The following CENATAC variants were observed in gnomAD, a reference collection of about 807,000 sequenced individuals.
CENATAC encodes centrosomal AT-AC splicing factor.
CENATAC carries 53 observed loss-of-function variants against 53.7 expected under a neutral mutation model. That is an observed-to-expected ratio of 0.99 (90% CI 0.79 to 1.24). CENATAC has a LOEUF of 1.24. Ranked by LOEUF, CENATAC falls within the 50% of genes most tolerant of loss-of-function variation. CENATAC has a pLI of 0.00. For synonymous variants in CENATAC, 156 were observed against 144.6 expected, an observed-to-expected ratio of 1.08 and a Z score of -0.57; for missense variants, 474 against 417.8, an observed-to-expected ratio of 1.13 and a Z score of -1.17.
At chr11:119,001,615 T>C (rs1261129483) in intron 3 of CENATAC, 4 of 455,676 alleles carry the variant, frequency 8.8e-6, no homozygotes, top group South Asian at 6.2e-5. Context: ...ATTTCTAGGC[T>C]ATGTGGTTCA....
chr11:119,006,949 T>TAA (rs1942633176), intron 3 of CENATAC, among the ~76,000 whole-genome samples: 1 of 152,226 alleles, frequency 6.6e-6, no homozygotes, highest in Admixed American at 6.5e-5. Flanking sequence ...CCTTCTGCTG[T>TAA]GATTATAAGG....
In CENATAC at chr11:119,013,267, G is replaced by C. The variant is rs782184627; in HGVS notation, c.715+5G>C. On this transcript the variant is annotated splice_donor_5th_base_variant and intron_variant, in intron 8 of 10. Transcript: ENST00000334418. Reference sequence around the variant, plus strand: ...GAGTTGGTAACATCCACTCAGGTAAGGTCCAGGGCAGTGTTTTTAAAACCC... The same window carrying C: ...GAGTTGGTAACATCCACTCAGGTAACGTCCAGGGCAGTGTTTTTAAAACCC... The C allele has an allele frequency of 3.1e-6, 5 of 1,599,956 alleles. No individual in the cohort carries two copies. In the South Asian group the frequency reaches 5.7e-5, roughly 18 times the overall value.
rs201911090 is a variant in CENATAC, at chr11:119,015,267, T to G, written c.806-40T>G. On this transcript the variant is annotated intron_variant, in intron 9 of 10. Coordinates refer to ENST00000334418, the MANE Select transcript of CENATAC (RefSeq NM_198489.3). Reference sequence around the variant, plus strand: ...ATAGTGAGACCCCATCTCTATATTCTTCAATAAAGAAAAATAAAAGTTTCC... The same window carrying G: ...ATAGTGAGACCCCATCTCTATATTCGTCAATAAAGAAAAATAAAAGTTTCC... The G allele has an allele frequency of 6.4e-5, 101 of 1,569,092 alleles. No homozygotes were observed. In the African/African-American group the frequency reaches 1.2e-3, roughly 18 times the overall value.
intron 3 of CENATAC, among the ~76,000 whole-genome samples, chr11:119,002,560 A>G (rs1364820428): frequency 6.6e-6 from 1 of 150,740 alleles, no homozygotes; most frequent in African/African-American, 2.4e-5. Flanking sequence ...CTGGTCTTGA[A>G]CTCCTGACCT....
At position 119,011,271 on chromosome 11, in the gene CENATAC, G is replaced by C. The variant is rs782196171; in HGVS notation, c.501G>C (p.Arg167=). The C allele has an allele frequency of 1.2e-6, 2 of 1,614,128 alleles. No individual in the cohort carries two copies. Among genetic ancestry groups the C allele is most frequent in the South Asian group, 2.2e-5 (2 of 91,074 alleles). The stretch of plus-strand genomic sequence containing the variant: ...AGCAGAGCCGACAGGAGGTGGTTCG[G>C]TCTGTCTTAGAGGTTGGTTTCCCTC... ...EVEQSRQEVV[R]SVLEPQAVPD... The change falls in exon 5 of 11, where the codon CGG becomes CGC. Residue 167 remains arginine, a synonymous_variant. Transcript: ENST00000334418.
intron 3 of CENATAC, among the ~76,000 whole-genome samples, chr11:119,005,337 G>A (rs781960654): frequency 6.6e-6 from 1 of 151,344 alleles, no homozygotes; most frequent in Non-Finnish European, 1.5e-5. Flanking sequence ...GAGGTGGTGG[G>A]TGTGTGTAGT....
At chr11:119,004,025 C>G (rs1329851549) in intron 3 of CENATAC, among the ~76,000 whole-genome samples, 1 of 152,114 alleles carries the variant, frequency 6.6e-6, no homozygotes, top group Non-Finnish European at 1.5e-5. Flanking sequence ...CAGTACTTAG[C>G]AAGTATTTCT....
chr11:119,002,696 T>C lies in CENATAC; in HGVS notation c.383+3587T>C, dbSNP rs542306632. On this transcript the variant is annotated intron_variant, in intron 3 of 10. Transcript: ENST00000334418. ...TAAGCTGTTGGTTTTTTTTTTTTTT[T>C]CTGATGGTACATTTGGGAATTATAC... is the stretch of plus-strand genomic sequence containing the variant. Among the ~76,000 whole-genome samples, 302 of 133,552 alleles carry C rather than the reference T, an allele frequency of 2.3e-3. 1 individual carries two copies. The highest frequency in any genetic ancestry group is 7.9e-3 in the African/African-American group (278 of 35,258). The allele number at this position is 133,552 out of a possible 152,430, so 87.6% of individuals were successfully genotyped here.
intron 3 of CENATAC, chr11:119,003,267 T>G: frequency 1.9e-6 from 1 of 529,374 alleles, no homozygotes; most frequent in Non-Finnish European, 3.7e-6. Context: ...CTGGGGGTGC[T>G]CTTAAGATAT....
chr11:119,015,288 T>C lies in CENATAC; in HGVS notation c.806-19T>C, dbSNP rs781802742. ...ATTCTTCAATAAAGAAAAATAAAAGTTTCCCTATCATTGTACAGAGGAAAA... is the reference window on the plus strand; with the variant it reads ...ATTCTTCAATAAAGAAAAATAAAAGCTTCCCTATCATTGTACAGAGGAAAA... On this transcript the variant is annotated intron_variant, in intron 9 of 10. Transcript: ENST00000334418. The C allele has an allele frequency of 6.3e-7, 1 of 1,587,914 alleles. No homozygotes were observed. Among genetic ancestry groups the C allele is most frequent in the South Asian group, 1.1e-5 (1 of 87,016 alleles).
chr11:118,998,353 G>A (rs782310142), intron 1 of CENATAC, 36 bp downstream of exon 1: 3 of 1,611,100 alleles, frequency 1.9e-6, no homozygotes, highest in Admixed American at 1.7e-5. Context: ...ATGGGAGTGC[G>A]GGGCAGGTCA....
At chr11:119,002,992 A>G in intron 3 of CENATAC, 3 of 498,164 alleles carry the variant, frequency 6.0e-6, no homozygotes, top group Non-Finnish European at 7.9e-6. Context: ...TATATTTAGA[A>G]TTAGCCAACT....
rs1942899365 is a variant in CENATAC at position 119,012,190 on chromosome 11, T to C, written c.620T>C (p.Leu207Pro). ...SSLQQPSNLD[L>P]PPAPELDWME... ...TTACAGCAGCCCTCAAATTTGGACC[T>C]GCCACCAGCTCCAGAGCTTGACTGG... The change falls in exon 7 of 11, where the codon CTG becomes CCG. Residue 207 changes from leucine (L) to proline (P), a missense_variant. Coordinates refer to ENST00000334418, the MANE Select transcript of CENATAC (RefSeq NM_198489.3). The C allele has an allele frequency of 6.2e-7, 1 of 1,614,034 alleles. No individual in the cohort carries two copies. Among genetic ancestry groups the C allele is most frequent in the African/African-American group, 1.3e-5 (1 of 74,922 alleles).
In CENATAC at chr11:119,015,007, C is replaced by T. The variant is rs1303209218; in HGVS notation, c.729C>T (p.Pro243=). The change falls in exon 9 of 11, where the codon CCC becomes CCT. Residue 243 remains proline (P), a synonymous_variant. Coordinates refer to ENST00000334418, the MANE Select transcript of CENATAC (RefSeq NM_198489.3). The part of the protein sequence containing the change: ...VGNIHSGATP[P]WMIQDEEYIA... ...TTTTTTTTTCAGGTGCCACACCTCC[C>T]TGGATGATCCAAGATGAAGAATACA... The T allele has an allele frequency of 6.2e-7, 1 of 1,605,286 alleles. No individual in the cohort carries two copies. Among genetic ancestry groups the T allele is most frequent in the Non-Finnish European group, 8.5e-7 (1 of 1,177,034 alleles).
Position 119,015,749 on chromosome 11 carries a change from C to A in CENATAC, c.*151C>A. On this transcript the variant is annotated 3_prime_UTR_variant, in exon 11 of 11. Transcript: ENST00000334418. Reference sequence around the variant, plus strand: ...AAGTTTTATTTTTCCAAATGTACAGCTGGTTGGACCTGTAAAAAAAAATTA... The same window carrying A: ...AAGTTTTATTTTTCCAAATGTACAGATGGTTGGACCTGTAAAAAAAAATTA... 8.2e-7 allele frequency: 1 copy of A among 1,223,282 alleles called. No individual in the cohort carries two copies. The highest frequency in any genetic ancestry group is 1.2e-6 in the Non-Finnish European group (1 of 843,530). 75.8% of individuals were successfully genotyped at this position (1,223,282 alleles called of 1,614,324 possible).
At chr11:119,011,829 T>A (rs1050570592) in intron 5 of CENATAC, 110 bp from the exon 6 acceptor site, 27 of 878,418 alleles carry the variant, frequency 3.1e-5, no homozygotes, top group Non-Finnish European at 4.7e-5. Context: ...GTACCTTCCA[T>A]ATGCTAATTT....
chr11:119,015,790 T>C lies in CENATAC; in HGVS notation c.*192T>C, dbSNP rs782461548. 19 of 1,366,158 alleles carry C rather than the reference T, an allele frequency of 1.4e-5. No homozygotes were observed. Among genetic ancestry groups the C allele is most frequent in the African/African-American group, 2.9e-5 (2 of 69,188 alleles). The allele number at this position is 1,366,158 out of a possible 1,614,324, so 84.6% of individuals were successfully genotyped here. ...AAAAAAATTAAAAGAATCAGAACCA[T>C]AAAGCTTTGTATCTACCTCCTACAC... On this transcript the variant is annotated 3_prime_UTR_variant, in exon 11 of 11. Transcript: ENST00000334418.
At chr11:119,005,237 C>T (rs1039749828) in intron 3 of CENATAC, among the ~76,000 whole-genome samples, 2 of 152,064 alleles carry the variant, frequency 1.3e-5, no homozygotes, top group Non-Finnish European at 2.9e-5. Flanking sequence ...GAGGCCAAGG[C>T]CAGCAGATCA....
Position 119,014,773 on chromosome 11 carries a change from G to A in CENATAC, c.716-221G>A, listed in dbSNP as rs368362490. Reference sequence around the variant, plus strand: ...AAGTCACCAAATTTAAGTGTGTATCGTTTATGTCAGTTGTGCCTCAAAGCC... The same window carrying A: ...AAGTCACCAAATTTAAGTGTGTATCATTTATGTCAGTTGTGCCTCAAAGCC... On this transcript the variant is annotated intron_variant, in intron 8 of 10. Transcript: ENST00000334418. 2.8e-5 allele frequency: 11 copies of A among 387,616 alleles called. No homozygotes were observed. The East Asian group carries it at 3.7e-4, about 13-fold the overall frequency. The allele number at this position is 387,616 out of a possible 1,614,324, so 24.0% of individuals were successfully genotyped here.
Sources: gnomAD v4.1 joint callset for allele counts (sites outside exome capture counted in the v4.1 genomes callset) on GRCh38, gnomAD v4.1.1 for gene constraint, MANE v1.5 for transcripts, NCBI Gene and HGNC (gene_info 2026-07-23, HGNC 2026-07-21) for gene names.